Variants in FGF13 observed in about 807,000 individuals in gnomAD.
FGF13 encodes the protein fibroblast growth factor homologous factor 2.
FGF13 carries 2 observed loss-of-function variants against 19.5 expected under a neutral mutation model. The observed-to-expected ratio is 0.10, with a 90% CI of 0.04 to 0.32. The LOEUF (loss-of-function observed/expected upper bound fraction) is 0.32. Ranked by LOEUF, FGF13 falls within the 10% of genes least tolerant of loss-of-function variation. The pLI, the probability that FGF13 is intolerant of heterozygous loss-of-function variation, is 1.00. For synonymous variants in FGF13, 72 were observed against 76.9 expected (o/e 0.94, Z 0.33); for missense variants, 113 against 192.7 (o/e 0.59, Z 2.45).
chrX:138,632,582 G>A lies in FGF13; in HGVS notation c.*268C>T. Reference sequence around the variant, plus strand: ...TTTGGATTATCATCCCCAAAGTATAGGTGAGATCATGAGAAAATTTGGCAG... The same window carrying A: ...TTTGGATTATCATCCCCAAAGTATAAGTGAGATCATGAGAAAATTTGGCAG... On this transcript the variant is annotated 3_prime_UTR_variant, in exon 5 of 5. Transcript: ENST00000315930. 4.1e-6 allele frequency: 1 copy of A among 244,356 alleles called. No homozygotes were observed. 20.1% of individuals were successfully genotyped at this position (244,356 alleles called of 1,213,427 possible).
At chrX:138,898,301 C>A (rs1359902119) in intron 1 of FGF13, among the ~76,000 whole-genome samples, 1 of 112,107 alleles carries the variant, frequency 8.9e-6, no homozygotes, top group Non-Finnish European at 1.9e-5. Flanking sequence ...TATGCGTCAT[C>A]AGTGACTAGT....
In FGF13 at chrX:138,703,172, T is replaced by C. The variant is rs1025320028; in HGVS notation, c.299-85A>G. The stretch of plus-strand genomic sequence containing the variant: ...TGTTTCCAGCAGGACTGCCTGGTCC[T>C]CCAAAAGTAGTGTGTAGTTGGTGAG... On this transcript the variant is annotated intron_variant, in intron 2 of 4. Transcript: ENST00000315930. 26 of 708,027 alleles carry C rather than the reference T, an allele frequency of 3.7e-5. No individual in the cohort carries two copies. The African/African-American group carries it at 5.0e-4, about 14-fold the overall frequency. The allele number at this position is 708,027 out of a possible 1,213,427, so 58.3% of individuals were successfully genotyped here.
At chrX:139,112,743 C>G (rs181037748) in intron 1 of FGF13, among the ~76,000 whole-genome samples, 1 of 112,148 alleles carries the variant, frequency 8.9e-6, no homozygotes, top group East Asian at 2.8e-4. Context: ...AATCCAGTGA[C>G]ACAATGTATA....
At chrX:138,766,906 C>T (rs952360193) in intron 3 of FGF13, among the ~76,000 whole-genome samples, 5 of 112,086 alleles carry the variant, frequency 4.5e-5, no homozygotes, top group African/African-American at 1.6e-4. Context: ...TATCTCAGCA[C>T]CATTTATTGA....
chrX:139,031,692 G>A (rs2092227051), intron 1 of FGF13, among the ~76,000 whole-genome samples: 1 of 106,164 alleles, frequency 9.4e-6, no homozygotes, highest in Non-Finnish European at 1.9e-5. Context: ...CCAATATTGG[G>A]CAGTTCTAAA....
Position 138,628,096 on chromosome X carries a change from G to A in FGF13, c.*4754C>T, listed in dbSNP as rs970383181. On this transcript the variant is annotated 3_prime_UTR_variant, in exon 5 of 5. Transcript: ENST00000315930. ...GTAACTTCCAAAATTCCTCTAAGCT[G>A]GGATTTTTTTTCATTCTCTCTCTCT... 9.0e-6 allele frequency: 1 copy of A among 111,428 alleles called. No individual in the cohort carries two copies. The highest frequency in any genetic ancestry group is 9.6e-5 in the Admixed American group (1 of 10,459). 9.2% of individuals were successfully genotyped at this position (111,428 alleles called of 1,213,427 possible).
At chrX:139,075,141 T>TACAA (rs1305636300) in intron 1 of FGF13, among the ~76,000 whole-genome samples, 1 of 112,160 alleles carries the variant, frequency 8.9e-6, no homozygotes, top group African/African-American at 3.2e-5. Context: ...GGTATTAAGC[T>TACAA]ACAAAATGAT....
chrX:138,879,895 C>G (rs1478061097), intron 1 of FGF13, among the ~76,000 whole-genome samples: 1 of 111,552 alleles, frequency 9.0e-6, no homozygotes, highest in African/African-American at 3.3e-5. Context: ...GAACAGGCAA[C>G]CTACGGAATG....
At chrX:139,042,005 C>G (rs755351432) in intron 1 of FGF13, among the ~76,000 whole-genome samples, 2 of 112,399 alleles carry the variant, frequency 1.8e-5, no homozygotes, top group Admixed American at 1.9e-4. Flanking sequence ...GTAGTCTGAA[C>G]ATTCAATCAC....
chrX:138,660,840 C>T (rs190171422), intron 3 of FGF13, among the ~76,000 whole-genome samples: 2 of 111,536 alleles, frequency 1.8e-5, no homozygotes, highest in East Asian at 5.6e-4. Flanking sequence ...GTAAGATGTA[C>T]TTCATTTTTA....
At chrX:139,184,651 TACAC>T (rs762710461) in intron 1 of FGF13, among the ~76,000 whole-genome samples, 1 of 110,312 alleles carries the variant, frequency 9.1e-6, no homozygotes, top group African/African-American at 3.3e-5. Flanking sequence ...CATACACACA[TACAC>T]ACACACACAC....
At chrX:138,801,365 C>T (rs1025550918) in intron 3 of FGF13, among the ~76,000 whole-genome samples, 21 of 111,894 alleles carry the variant, frequency 1.9e-4, no homozygotes, top group South Asian at 3.8e-4. Context: ...GCTGGAGTTT[C>T]GGGGAAGTCC....
At chrX:138,935,497 TA>T (rs2091726802) in intron 1 of FGF13, among the ~76,000 whole-genome samples, 1 of 111,766 alleles carries the variant, frequency 8.9e-6, no homozygotes, top group African/African-American at 3.2e-5. Context: ...CAAGTTCAAG[TA>T]ATCTCCCCAC....
intron 1 of FGF13, among the ~76,000 whole-genome samples, chrX:139,181,873 C>A (rs769056887): frequency 9.0e-6 from 1 of 110,743 alleles, no homozygotes; most frequent in Non-Finnish European, 1.9e-5. Flanking sequence ...AAGGGACTGG[C>A]GGGGCTTTTC....
At chrX:138,763,794 T>A (rs1005688860) in intron 3 of FGF13, among the ~76,000 whole-genome samples, 8 of 111,329 alleles carry the variant, frequency 7.2e-5, no homozygotes, top group Non-Finnish European at 9.4e-5. Flanking sequence ...GTGTTAATAA[T>A]ACATCTTCAG....
At chrX:139,174,171 C>A (rs1164864771) in intron 1 of FGF13, among the ~76,000 whole-genome samples, 3 of 112,609 alleles carry the variant, frequency 2.7e-5, no homozygotes, top group Non-Finnish European at 5.6e-5. Flanking sequence ...AACTTTCTTT[C>A]ATATGTTTGT....
chrX:138,653,247 C>T (rs9698726), intron 3 of FGF13, among the ~76,000 whole-genome samples: 2,241 of 111,000 alleles, frequency 0.02, 38 homozygotes, highest in African/African-American at 0.069. Context: ...AGATAATAAT[C>T]TTTTTAGAAA....
At chrX:138,788,788 G>GT (rs36095007) in intron 3 of FGF13, among the ~76,000 whole-genome samples, 4 of 108,122 alleles carry the variant, frequency 3.7e-5, no homozygotes, top group Non-Finnish European at 7.7e-5. Flanking sequence ...TTCACATTTT[G>GT]TTTTTTTTTG....
intron 1 of FGF13, among the ~76,000 whole-genome samples, chrX:138,980,674 G>GTT (rs1569435165): frequency 3.0e-5 from 1 of 33,824 alleles, no homozygotes; most frequent in South Asian, 1.9e-3. Context: ...CCAGAAGTGT[G>GTT]GTTTTTTTTT....
Sources: gnomAD v4.1 joint callset for allele counts (sites outside exome capture counted in the v4.1 genomes callset) on GRCh38, gnomAD v4.1.1 for gene constraint, MANE v1.5 for transcripts, NCBI Gene and HGNC (gene_info 2026-07-23, HGNC 2026-07-21) for gene names.